The following ZNF69 variants were observed in gnomAD, a reference collection of about 807,000 sequenced individuals.
ZNF69 encodes zinc finger protein 69, also known as ZNF3.
A neutral mutation model predicts 50.9 loss-of-function variants in ZNF69; 47 were observed. The ratio of observed to expected loss-of-function variants is 0.92; its 90% CI spans 0.73 to 1.18. The LOEUF is 1.18. ZNF69 is among the 50% of genes most tolerant of loss of function. ZNF69 has a pLI of 0.00. For missense variants in ZNF69, 717 were observed against 675.1 expected (o/e 1.06, Z -0.69); for synonymous variants, 216 against 223.1 (o/e 0.97, Z 0.29).
intron 1 of ZNF69, among the ~76,000 whole-genome samples, chr19:11,895,427 T>C (rs905055986): frequency 1.3e-5 from 2 of 152,166 alleles, no homozygotes; most frequent in Non-Finnish European, 2.9e-5. Context: ...CAAGGAGACG[T>C]CGCTCAGGGA....
the ZNF69 span, chr19:11,950,532 GA>G: frequency 1.6e-6 from 1 of 613,504 alleles, no homozygotes; most frequent in Non-Finnish European, 3.1e-6. Context: ...GAAACCCTAT[GA>G]ATGTAAGCAA....
the ZNF69 span, among the ~76,000 whole-genome samples, chr19:11,966,045 C>G: frequency 6.6e-6 from 1 of 152,088 alleles, no homozygotes; most frequent in Admixed American, 6.6e-5. Context: ...TGTTATCTGC[C>G]ACTTGATTCC....
the ZNF69 span, among the ~76,000 whole-genome samples, chr19:11,944,299 T>C: frequency 2.7e-5 from 4 of 150,036 alleles, no homozygotes; most frequent in African/African-American, 1.0e-4. Context: ...TATCCTGTTT[T>C]TCTAGAAGGG....
chr19:11,947,327 T>C, the ZNF69 span: 4 of 1,613,234 alleles, frequency 2.5e-6, no homozygotes, highest in Non-Finnish European at 3.4e-6. Flanking sequence ...ACAATATTCC[T>C]TCCGTCAGTG....
In ZNF69 at chr19:11,905,586, T is replaced by C. The variant is rs1270908691; in HGVS notation, c.1189T>C (p.Phe397Leu). 6.2e-7 allele frequency: 1 copy of C among 1,613,966 alleles called. No homozygotes were observed. The highest frequency in any genetic ancestry group is 8.5e-7 in the Non-Finnish European group (1 of 1,180,002). ...PYKCKQCGKA[F>L]IHSSSLRYHE... ...TAAATGCAAGCAATGTGGTAAAGCCTTCATTCATTCCAGTTCCCTTCGTTA... is the reference window on the plus strand; with the variant it reads ...TAAATGCAAGCAATGTGGTAAAGCCCTCATTCATTCCAGTTCCCTTCGTTA... Residue 397 changes from phenylalanine (F) to leucine (L), a missense_variant, in exon 4 of 4, where the codon TTC becomes CTC. Phe to Leu is a conservative substitution (Grantham distance 22). Transcript: ENST00000429654.
At chr19:11,963,088 A>AGAGAGAGAGAGAGAGAGTGTGT in the ZNF69 span, among the ~76,000 whole-genome samples, 6 of 138,304 alleles carry the variant, frequency 4.3e-5, no homozygotes, top group African/African-American at 1.8e-4. Flanking sequence ...AGAGAGAGAG[A>AGAGAGAGAGAGAGAGAGTGTGT]GTGTGTGTGT....
downstream of ZNF69, among the ~76,000 whole-genome samples, chr19:11,906,874 T>G (rs1972384501): frequency 6.6e-6 from 1 of 151,814 alleles, no homozygotes; most frequent in East Asian, 1.9e-4. Context: ...ATAACAAACT[T>G]CTCCAAGCTA....
chr19:11,921,838 C>T, the ZNF69 span, among the ~76,000 whole-genome samples: 3 of 152,118 alleles, frequency 2.0e-5, no homozygotes, highest in Non-Finnish European at 4.4e-5. Context: ...AAACATCTAA[C>T]GTTCAAGTTA....
chr19:11,944,789 C>T, the ZNF69 span, among the ~76,000 whole-genome samples: 425 of 152,340 alleles, frequency 2.8e-3, no homozygotes, highest in African/African-American at 9.7e-3. Context: ...GCAGGTAATA[C>T]ATCGCTGTGC....
the ZNF69 span, among the ~76,000 whole-genome samples, chr19:11,942,157 CTTAGGT>C: frequency 6.6e-6 from 1 of 150,898 alleles, no homozygotes; most frequent in Non-Finnish European, 1.5e-5. Flanking sequence ...TTTCTTTCTA[CTTAGGT>C]GTTTCCCCTC....
downstream of ZNF69, among the ~76,000 whole-genome samples, chr19:11,916,618 A>G (rs1972524797): frequency 6.6e-6 from 1 of 152,202 alleles, no homozygotes; most frequent in Non-Finnish European, 1.5e-5. Flanking sequence ...GTCTCAAAAA[A>G]AGAAAAAAGT....
rs138289885 is a variant in ZNF69 at position 11,896,217 on chromosome 19, TAAAAAAAAAAAAA to T, written c.64-7341_64-7329del. Reference sequence around the variant, plus strand: ...CTTGGCAACAAGGGCGAAACTCCATTAAAAAAAAAAAAAAAAAAAAAAAAAAAGATTCCCTGGT... The same window carrying T: ...CTTGGCAACAAGGGCGAAACTCCATTAAAAAAAAAAAAAAGATTCCCTGGT... On this transcript the variant is annotated intron_variant, in intron 1 of 3. Transcript: ENST00000429654. Among the ~76,000 whole-genome samples the T allele has an allele frequency of 4.5e-3, 289 of 63,878 alleles. 3 individuals carry two copies. The highest frequency in any genetic ancestry group is 0.018 in the African/African-American group (256 of 14,362). The allele number at this position is 63,878 out of a possible 152,430, so 41.9% of individuals were successfully genotyped here. A position where few individuals can be genotyped will look rare whatever the true frequency, so the allele number is the denominator to read the frequency against.
chr19:11,953,920 A>G, the ZNF69 span, among the ~76,000 whole-genome samples: 5 of 152,348 alleles, frequency 3.3e-5, no homozygotes, highest in African/African-American at 1.2e-4. Flanking sequence ...TGTTGATGTT[A>G]AGGAATTATT....
chr19:11,956,747 T>G, the ZNF69 span: 1 of 383,704 alleles, frequency 2.6e-6, no homozygotes, highest in Non-Finnish European at 4.6e-6. Context: ...TCTCAGCCAT[T>G]CGGGAGGCTG....
At chr19:11,924,375 T>G in the ZNF69 span, among the ~76,000 whole-genome samples, 1 of 137,062 alleles carries the variant, frequency 7.3e-6, no homozygotes, top group African/African-American at 2.8e-5. Context: ...GAGCTTGCAG[T>G]GAGTCGAGAT....
chr19:11,965,304 G>T, the ZNF69 span: 1 of 1,562,948 alleles, frequency 6.4e-7, no homozygotes, highest in Non-Finnish European at 8.7e-7. Context: ...CTCCCTGCGG[G>T]CGACTCCAGG....
the ZNF69 span, among the ~76,000 whole-genome samples, chr19:11,944,793 G>A: frequency 0.013 from 2,001 of 152,284 alleles, 40 homozygotes; most frequent in African/African-American, 0.045. Context: ...GTAATACATC[G>A]CTGTGCCACT....
chr19:11,923,253 A>G, the ZNF69 span, among the ~76,000 whole-genome samples: 7 of 152,210 alleles, frequency 4.6e-5, no homozygotes, highest in African/African-American at 1.2e-4. Context: ...ATAAGGAAGC[A>G]AGCTTGCCAG....
At chr19:11,954,102 A>G in the ZNF69 span, among the ~76,000 whole-genome samples, 1 of 152,196 alleles carries the variant, frequency 6.6e-6, no homozygotes, top group South Asian at 2.1e-4. Context: ...AATAGGAGAA[A>G]AGTTATACAA....
Sources: allele counts gnomAD v4.1 joint callset (sites outside exome capture counted in the v4.1 genomes callset), GRCh38; gene constraint gnomAD v4.1.1; transcripts MANE v1.5; gene names NCBI Gene and HGNC (gene_info 2026-07-23, HGNC 2026-07-21).